Variants in MID1 observed in about 807,000 individuals in gnomAD.
MID1 encodes the protein midline 1, also known as E3 ubiquitin-protein ligase Midline-1.
MID1 carries 7 observed loss-of-function variants against 40.4 expected under a neutral mutation model. That is an observed-to-expected ratio of 0.17 (90% confidence interval 0.10 to 0.33). MID1 has a LOEUF of 0.33. MID1 is among the 10% of genes least tolerant of loss of function. MID1 has a pLI of 1.00. For missense variants in MID1, 367 were observed against 558.5 expected, an observed-to-expected ratio of 0.66 and a Z score of 3.46; for synonymous variants, 229 against 221.2, an observed-to-expected ratio of 1.04 and a Z score of -0.31.
intron 2 of MID1, among the ~76,000 whole-genome samples, chrX:10,554,987 T>C (rs1934063208): frequency 8.9e-6 from 1 of 112,184 alleles, no homozygotes; most frequent in South Asian, 3.7e-4. Context: ...ACCCACCAGC[T>C]GGCTTGGTTA....
intron 1 of MID1, among the ~76,000 whole-genome samples, chrX:10,714,065 G>A (rs763399455): frequency 7.1e-5 from 8 of 112,076 alleles, no homozygotes; most frequent in Non-Finnish European, 1.5e-4. Flanking sequence ...CACCATTAAA[G>A]CACCTCTGCT....
chrX:10,457,957 A>G (rs1352237924), intron 8 of MID1, among the ~76,000 whole-genome samples: 1 of 112,888 alleles, frequency 8.9e-6, no homozygotes, highest in Non-Finnish European at 1.9e-5. Context: ...GGCTTTGTCA[A>G]CTTAGAACCT....
chrX:10,737,564 C>A (rs2043495618), intron 1 of MID1, among the ~76,000 whole-genome samples: 1 of 97,615 alleles, frequency 1.0e-5, no homozygotes, highest in Non-Finnish European at 2.0e-5. Context: ...ACATAGGATG[C>A]AAAATGGGAA....
intron 1 of MID1, among the ~76,000 whole-genome samples, chrX:10,813,370 T>C (rs1344148802): frequency 9.0e-6 from 1 of 111,516 alleles, no homozygotes; most frequent in Non-Finnish European, 1.9e-5. Context: ...GCACTTGACA[T>C]AGGAGTTCAT....
Position 10,786,322 on chromosome X carries a change from G to A in MID1, c.-187+47232C>T, listed in dbSNP as rs1282438490. Among the ~76,000 whole-genome samples, 4 of 110,277 alleles carry A rather than the reference G, an allele frequency of 3.6e-5. No homozygotes were observed. In the East Asian group the frequency reaches 8.5e-4, roughly 24 times the overall value. ...TCATTAAAAAGTCAGGAAACAACAG[G>A]TGCTGGAGAGGATGTGGAGAAATAG... On this transcript the variant is annotated intron_variant, in intron 1 of 10. Coordinates refer to the MID1 transcript ENST00000380785.
chrX:10,505,812 A>G (rs1195115017), intron 3 of MID1: 5 of 753,782 alleles, frequency 6.6e-6, no homozygotes, highest in East Asian at 1.5e-4. Flanking sequence ...ATTAAGTGAC[A>G]TTCCTTTTAG....
chrX:10,673,268 A>C (rs1340647886), intron 1 of MID1, among the ~76,000 whole-genome samples: 1 of 111,492 alleles, frequency 9.0e-6, no homozygotes, highest in Non-Finnish European at 1.9e-5. Context: ...TGGGGGCAGA[A>C]AGTGAGGCTG....
intron 7 of MID1, among the ~76,000 whole-genome samples, chrX:10,465,934 C>CTGTT (rs1208716009): frequency 8.9e-6 from 1 of 112,329 alleles, no homozygotes; most frequent in Non-Finnish European, 1.9e-5. Context: ...CAATAGAAAA[C>CTGTT]TGTTAGCACT....
intron 9 of MID1, 89 bp downstream of exon 9, chrX:10,454,781 A>T: frequency 1.3e-6 from 1 of 789,217 alleles, no homozygotes; most frequent in Non-Finnish European, 1.9e-6. Context: ...TTTATTCTTT[A>T]AGATGCATTA....
chrX:10,588,393 T>TTAA (rs1348196943), intron 1 of MID1, among the ~76,000 whole-genome samples: 1 of 111,199 alleles, frequency 9.0e-6, no homozygotes. Flanking sequence ...GGTTACTGGG[T>TTAA]TAAGGATTTT....
intron 8 of MID1, among the ~76,000 whole-genome samples, chrX:10,458,443 A>G (rs757524307): frequency 9.0e-6 from 1 of 111,551 alleles, no homozygotes; most frequent in African/African-American, 3.3e-5. Flanking sequence ...AAATCTGAAT[A>G]AAGTCTGGAG....
intron 5 of MID1, among the ~76,000 whole-genome samples, chrX:10,476,453 T>C (rs980848685): frequency 2.7e-5 from 3 of 110,809 alleles, no homozygotes; most frequent in African/African-American, 9.9e-5. Flanking sequence ...GGATTACAGG[T>C]ATGAGCCACC....
intron 1 of MID1, chrX:10,589,860 A>G (rs1935243357): frequency 9.1e-6 from 1 of 110,307 alleles, no homozygotes; most frequent in South Asian, 4.1e-4. Flanking sequence ...AAATGTAGCA[A>G]GACAAGCCGC....
At chrX:10,659,089 C>G (rs992577726) in intron 1 of MID1, among the ~76,000 whole-genome samples, 5 of 111,810 alleles carry the variant, frequency 4.5e-5, no homozygotes, top group Non-Finnish European at 9.4e-5. Flanking sequence ...ATCAATGTAG[C>G]AATGTAGCCA....
At chrX:10,801,112 A>G (rs1214389897) in intron 1 of MID1, among the ~76,000 whole-genome samples, 1 of 111,553 alleles carries the variant, frequency 9.0e-6, no homozygotes, top group Admixed American at 9.6e-5. Context: ...TCAAAAAAAA[A>G]AAATTCTGGC....
At chrX:10,684,705 G>A (rs771376607) in intron 1 of MID1, among the ~76,000 whole-genome samples, 5 of 111,124 alleles carry the variant, frequency 4.5e-5, no homozygotes, top group East Asian at 2.8e-4. Context: ...CACCGCGCCC[G>A]GCCAATTGTG....
In MID1 at chrX:10,746,286, C is replaced by T. The variant is rs752872738; in HGVS notation, c.-187+87268G>A. ...ACAGACATAGCTAAGGGCTGTTGTACTCCTCGAGATCTCAATACAATTGAC... is the reference window on the plus strand; with the variant it reads ...ACAGACATAGCTAAGGGCTGTTGTATTCCTCGAGATCTCAATACAATTGAC... On this transcript the variant is annotated intron_variant, in intron 1 of 10. Coordinates refer to the MID1 transcript ENST00000380785. Among the ~76,000 whole-genome samples, 26 of 111,630 alleles carry T rather than the reference C, an allele frequency of 2.3e-4. No individual in the cohort carries two copies. In the South Asian group the frequency reaches 9.1e-3, roughly 39 times the overall value.
intron 1 of MID1, among the ~76,000 whole-genome samples, chrX:10,651,102 C>G (rs1602496475): frequency 1.8e-5 from 2 of 111,998 alleles, no homozygotes; most frequent in African/African-American, 3.2e-5. Flanking sequence ...TCAGCTGGCT[C>G]TTTTCGCAGA....
At chrX:10,530,060 GTT>G (rs1441049734) in intron 2 of MID1, among the ~76,000 whole-genome samples, 8 of 112,045 alleles carry the variant, frequency 7.1e-5, no homozygotes, top group Non-Finnish European at 1.3e-4. Context: ...GGCCTTGAGA[GTT>G]TAGAAGAATT....
Sources: allele counts gnomAD v4.1 joint callset (sites outside exome capture counted in the v4.1 genomes callset), GRCh38; gene constraint gnomAD v4.1.1; transcripts MANE v1.5; gene names NCBI Gene and HGNC (gene_info 2026-07-23, HGNC 2026-07-21).